Variants in PGBD5 observed in about 807,000 individuals in gnomAD.
PGBD5 encodes the protein piggyBac transposable element derived 5.
Under a neutral mutation model 47.9 loss-of-function variants are expected in PGBD5, and 14 were observed. The observed-to-expected ratio is 0.29, with a 90% confidence interval of 0.19 to 0.46. PGBD5 has a LOEUF of 0.46. Among genes scored for constraint, PGBD5 ranks in the 20% least tolerant of loss-of-function variants. The pLI is 1.00. For missense variants in PGBD5, 635 were observed against 716.0 expected (o/e 0.89, Z 1.29); for synonymous variants, 316 against 306.3 (o/e 1.03, Z -0.33).
intron 1 of PGBD5, among the ~76,000 whole-genome samples, chr1:230,362,712 G>C (rs1018550622): frequency 3.1e-4 from 47 of 152,276 alleles, no homozygotes; most frequent in African/African-American, 1.1e-3. Flanking sequence ...TGTGTCCTTG[G>C]AGCCTCGTAT....
intron 4 of PGBD5, among the ~76,000 whole-genome samples, chr1:230,334,048 G>C (rs541211307): frequency 2.8e-4 from 42 of 152,276 alleles, no homozygotes; most frequent in African/African-American, 9.6e-4. Flanking sequence ...CAGTGCCATC[G>C]GTCACCTGAA....
intron 3 of PGBD5, 84 bp downstream of exon 3, chr1:230,350,874 T>C: frequency 6.5e-7 from 1 of 1,542,836 alleles, no homozygotes; most frequent in South Asian, 1.3e-5. Flanking sequence ...AACAAGTTCT[T>C]GGGTATCAGA....
intron 1 of PGBD5, among the ~76,000 whole-genome samples, chr1:230,407,108 T>C (rs1195097236): frequency 2.0e-5 from 3 of 152,232 alleles, no homozygotes; most frequent in Non-Finnish European, 4.4e-5. Flanking sequence ...ATGCTGGGAT[T>C]ACAGGCGTGA....
At chr1:230,359,218 C>T (rs1226787193) in intron 1 of PGBD5, among the ~76,000 whole-genome samples, 4 of 152,202 alleles carry the variant, frequency 2.6e-5, no homozygotes, top group South Asian at 4.1e-4. Flanking sequence ...CCCGCCACCA[C>T]GCCTGGCTAA....
At chr1:230,390,395 A>G (rs1571853856) in intron 1 of PGBD5, among the ~76,000 whole-genome samples, 2 of 151,522 alleles carry the variant, frequency 1.3e-5, no homozygotes, top group African/African-American at 2.4e-5. Context: ...GCTCCTCCCA[A>G]CCCCTCTCAC....
chr1:230,371,270 C>T (rs828445), intron 1 of PGBD5, among the ~76,000 whole-genome samples: 108,677 of 152,030 alleles, frequency 0.71, 39,263 homozygotes, highest in Non-Finnish European at 0.74. Flanking sequence ...GGGGTTCTCA[C>T]AAAAAGGAAC....
chr1:230,410,081 C>T (rs1317167907), intron 1 of PGBD5, among the ~76,000 whole-genome samples: 2 of 152,000 alleles, frequency 1.3e-5, no homozygotes, highest in Non-Finnish European at 2.9e-5. Flanking sequence ...ATACACAAAA[C>T]AAGGAGATAC....
intron 1 of PGBD5, among the ~76,000 whole-genome samples, chr1:230,409,801 T>TA (rs1657376076): frequency 6.7e-6 from 1 of 150,010 alleles, no homozygotes; most frequent in South Asian, 2.1e-4. Context: ...AAGCTGTTAC[T>TA]AAAAAAATGG....
At chr1:230,350,908 C>A in intron 3 of PGBD5, 50 bp downstream of exon 3, 1 of 1,593,994 alleles carries the variant, frequency 6.3e-7, no homozygotes, top group South Asian at 1.1e-5. Context: ...CCCGGATTTT[C>A]TTCCCCGACC....
intron 3 of PGBD5, among the ~76,000 whole-genome samples, chr1:230,348,663 T>TA (rs142862366): frequency 0.068 from 10,413 of 152,234 alleles, 494 homozygotes; most frequent in Non-Finnish European, 0.1. Flanking sequence ...GGCAGGACTC[T>TA]AAAAAAACAA....
chr1:230,357,058 G>T lies in PGBD5; in HGVS notation c.595C>A (p.Leu199Ile). 1 of 1,614,222 alleles carries T rather than the reference G, an allele frequency of 6.2e-7. No homozygotes were observed. Residue 199 changes from leucine to isoleucine, a missense_variant, in exon 2 of 7, where the codon CTC becomes ATC. Coordinates refer to ENST00000391860, the MANE Select transcript of PGBD5 (RefSeq NM_001258311.2). The surrounding 1 kb of genome is among the most constrained non-coding windows in gnomAD (Gnocchi z 5.7). ...WSGGFYSNRS[L>I]ALVMSQARFE... is the part of the protein sequence containing the mutation. ...CGGGCCTGGCTCATGACGAGGGCGA[G>T]GCTGCGGTTGCTGTAGAAGCCTCCG...
intron 1 of PGBD5, among the ~76,000 whole-genome samples, chr1:230,418,759 G>A (rs181711229): frequency 7.1e-4 from 108 of 152,296 alleles, no homozygotes; most frequent in Non-Finnish European, 3.7e-4. Flanking sequence ...AAGTGGCTGA[G>A]ATTACAGGCT....
At position 230,356,197 on chromosome 1, in the gene PGBD5, C is replaced by T. The variant is rs117759491; in HGVS notation, c.759+697G>A. ...CATCTCTAGAAATTAGCCATCTCATCGGTTTGCTAGACCAGCCGGGCAAAT... is the reference window on the plus strand; with the variant it reads ...CATCTCTAGAAATTAGCCATCTCATTGGTTTGCTAGACCAGCCGGGCAAAT... On this transcript the variant is annotated intron_variant, in intron 2 of 6. Transcript: ENST00000391860. Among the ~76,000 whole-genome samples, 55 of 152,290 alleles carry T rather than the reference C, an allele frequency of 3.6e-4. 1 individual carries two copies. The East Asian group carries it at 0.01, about 28-fold the overall frequency.
At chr1:230,400,367 CCTA>C (rs765736508) in intron 1 of PGBD5, among the ~76,000 whole-genome samples, 27 of 152,044 alleles carry the variant, frequency 1.8e-4, no homozygotes, top group Non-Finnish European at 2.6e-4. Flanking sequence ...CCTAAACCTG[CCTA>C]CTGTTTCCTT....
intron 1 of PGBD5, among the ~76,000 whole-genome samples, chr1:230,416,963 G>T (rs12411046): frequency 3.4e-4 from 51 of 152,186 alleles, no homozygotes; most frequent in Non-Finnish European, 6.5e-4. Context: ...ATGCTGTCTT[G>T]GCTACGGTTG....
chr1:230,424,045 G>A (rs995056333), intron 1 of PGBD5, among the ~76,000 whole-genome samples: 9 of 152,154 alleles, frequency 5.9e-5, no homozygotes, highest in African/African-American at 2.2e-4. Flanking sequence ...TTCATAACTA[G>A]GCTTGACCTA....
In PGBD5 at chr1:230,315,879, GATAC is replaced by G. The variant is rs369336205; in HGVS notation, c.*7542_*7545del. ...ACATGTGTATATATATACATATATG[GATAC>G]ATACATATTTATGTGTACACATATA... On this transcript the variant is annotated 3_prime_UTR_variant, in exon 7 of 7. Transcript: ENST00000391860. 2.1e-3 allele frequency: 308 copies of G among 146,082 alleles called. 17 individuals are homozygous for G. Among genetic ancestry groups the G allele is most frequent in the African/African-American group, 7.1e-3 (277 of 39,128 alleles). The allele number at this position is 146,082 out of a possible 1,614,324, so 9.0% of individuals were successfully genotyped here. A position where few individuals can be genotyped will look rare whatever the true frequency, so the allele number is the denominator to read the frequency against.
chr1:230,410,128 T>C (rs2102749112), intron 1 of PGBD5, among the ~76,000 whole-genome samples: 1 of 152,202 alleles, frequency 6.6e-6, no homozygotes, highest in South Asian at 2.1e-4. Flanking sequence ...GATGGCAAAA[T>C]TAACAGCAGA....
intron 5 of PGBD5, among the ~76,000 whole-genome samples, chr1:230,326,156 G>A (rs1218885084): frequency 1.3e-5 from 2 of 152,224 alleles, no homozygotes; most frequent in African/African-American, 2.4e-5. Flanking sequence ...GGTGGCTCAC[G>A]CCTGTAACCC....
Sources: allele counts gnomAD v4.1 joint callset (sites outside exome capture counted in the v4.1 genomes callset), GRCh38; gene constraint gnomAD v4.1.1; non-coding constraint Gnocchi (gnomAD v3.1); transcripts MANE v1.5; gene names NCBI Gene and HGNC (gene_info 2026-07-23, HGNC 2026-07-21).